Variants in GMDS observed in about 807,000 individuals in gnomAD.
GMDS encodes the protein GDP-mannose 4,6 dehydratase.
A neutral mutation model predicts 49.9 loss-of-function variants in GMDS; 20 were observed. The observed-to-expected ratio is 0.40, with a 90% CI of 0.28 to 0.58. The LOEUF is 0.58. GMDS is among the 20% of genes least tolerant of loss of function. The probability of loss-of-function intolerance (pLI) is 0.42; values close to 1 mark genes in which losing one functional copy is unlikely to be tolerated. For synonymous variants in GMDS, 177 were observed against 178.6 expected (o/e 0.99, Z 0.07); for missense variants, 362 against 481.4 (o/e 0.75, Z 2.32).
chr6:1,735,186 T>C (rs1266755790), intron 8 of GMDS, among the ~76,000 whole-genome samples: 1 of 151,310 alleles, frequency 6.6e-6, no homozygotes, highest in Non-Finnish European at 1.5e-5. Flanking sequence ...GCTGCCACTG[T>C]TCTGGGCCAT....
At chr6:1,625,943 C>T (rs1238343868) in intron 9 of GMDS, among the ~76,000 whole-genome samples, 1 of 152,220 alleles carries the variant, frequency 6.6e-6, no homozygotes, top group Non-Finnish European at 1.5e-5. Context: ...AAAGAACAGC[C>T]TAAAAGGAGT....
chr6:1,655,455 T>G (rs1241969217), intron 9 of GMDS, among the ~76,000 whole-genome samples: 1 of 151,984 alleles, frequency 6.6e-6, no homozygotes, highest in Non-Finnish European at 1.5e-5. Context: ...CATTAGTTTT[T>G]TTCCTTACGT....
At chr6:2,186,179 A>C (rs1034918612) in intron 1 of GMDS, among the ~76,000 whole-genome samples, 3 of 152,176 alleles carry the variant, frequency 2.0e-5, no homozygotes, top group African/African-American at 4.8e-5. Flanking sequence ...CAGAAACATA[A>C]AGGGAATGTA....
chr6:1,908,720 T>C (rs1318559778), intron 7 of GMDS, among the ~76,000 whole-genome samples: 3 of 152,000 alleles, frequency 2.0e-5, no homozygotes, highest in Admixed American at 2.0e-4. Context: ...CCAAGAGAGG[T>C]GAGAGGTAAG....
intron 9 of GMDS, among the ~76,000 whole-genome samples, chr6:1,654,210 A>G (rs527829335): frequency 6.6e-6 from 1 of 152,364 alleles, no homozygotes; most frequent in East Asian, 1.9e-4. Flanking sequence ...TAGTTCCTCA[A>G]AAAATTAAAT....
chr6:1,963,449 G>C (rs1242848560), intron 4 of GMDS, among the ~76,000 whole-genome samples: 3 of 152,140 alleles, frequency 2.0e-5, no homozygotes, highest in Admixed American at 2.0e-4. Context: ...TTATATCTAA[G>C]AATACTTTAC....
intron 1 of GMDS, among the ~76,000 whole-genome samples, chr6:2,168,831 G>C (rs1171126949): frequency 1.3e-5 from 2 of 152,120 alleles, no homozygotes; most frequent in Non-Finnish European, 2.9e-5. Context: ...TGAATATTTA[G>C]AATAAAAAAG....
chr6:2,149,386 T>C lies in GMDS; in HGVS notation c.103-24655A>G, dbSNP rs559258743. On this transcript the variant is annotated intron_variant, in intron 1 of 10. Transcript: ENST00000380815. ...CATCACTTACATGTGTGTTTCCTTC[T>C]GTCTGGAAATCCTGGGTGGACAATT... 3.3e-5 allele frequency among the ~76,000 whole-genome samples: 5 copies of C among 152,308 alleles called. No individual in the cohort carries two copies. The South Asian group carries it at 8.3e-4, about 25-fold the overall frequency.
chr6:2,046,633 G>A (rs1770033899), intron 4 of GMDS, among the ~76,000 whole-genome samples: 1 of 151,940 alleles, frequency 6.6e-6, no homozygotes, highest in Non-Finnish European at 1.5e-5. Flanking sequence ...TTAATTTTTT[G>A]TATTTTTTTG....
intron 1 of GMDS, among the ~76,000 whole-genome samples, chr6:2,234,119 CAACA>C (rs1781240377): frequency 6.6e-6 from 1 of 152,068 alleles, no homozygotes; most frequent in African/African-American, 2.4e-5. Flanking sequence ...AAAATAAAGA[CAACA>C]AACAAAACAA....
At chr6:1,872,093 C>T (rs1006679148) in intron 7 of GMDS, among the ~76,000 whole-genome samples, 1 of 152,200 alleles carries the variant, frequency 6.6e-6, no homozygotes, top group Admixed American at 6.5e-5. Context: ...TTCCCTCATC[C>T]ATGGTCCTCT....
At chr6:2,024,068 GA>G (rs939285456) in intron 4 of GMDS, among the ~76,000 whole-genome samples, 6 of 151,262 alleles carry the variant, frequency 4.0e-5, no homozygotes, top group Non-Finnish European at 7.4e-5. Flanking sequence ...ATCAAAAAAA[GA>G]AAAAAAATTG....
chr6:1,749,791 G>C (rs527256853), intron 7 of GMDS, among the ~76,000 whole-genome samples: 17 of 152,096 alleles, frequency 1.1e-4, no homozygotes, highest in South Asian at 4.2e-4. Flanking sequence ...CCTAACATCT[G>C]CTCTAAATTT....
At chr6:1,765,502 C>T (rs1366041898) in intron 7 of GMDS, among the ~76,000 whole-genome samples, 1 of 152,156 alleles carries the variant, frequency 6.6e-6, no homozygotes, top group East Asian at 1.9e-4. Context: ...AATATTCATT[C>T]GCATTGTTTC....
At chr6:1,688,736 C>T (rs1393071372) in intron 9 of GMDS, among the ~76,000 whole-genome samples, 2 of 152,186 alleles carry the variant, frequency 1.3e-5, no homozygotes, top group Non-Finnish European at 2.9e-5. Context: ...GATACAGTAG[C>T]TATTATATAA....
chr6:2,060,630 T>C (rs557862204), intron 4 of GMDS, among the ~76,000 whole-genome samples: 1 of 152,108 alleles, frequency 6.6e-6, no homozygotes, highest in East Asian at 1.9e-4. Context: ...GTACGTTAGA[T>C]AGTGATAAAT....
chr6:1,875,066 T>C (rs572191413), intron 7 of GMDS, among the ~76,000 whole-genome samples: 24 of 152,326 alleles, frequency 1.6e-4, no homozygotes, highest in South Asian at 6.2e-4. Context: ...TTTTGTTTCT[T>C]CTCATTTGGA....
At chr6:1,817,591 A>G (rs1770723676) in intron 7 of GMDS, among the ~76,000 whole-genome samples, 1 of 152,210 alleles carries the variant, frequency 6.6e-6, no homozygotes, top group African/African-American at 2.4e-5. Context: ...GGTCACTGAA[A>G]ACATTAACCA....
At chr6:1,655,312 G>A (rs1480925673) in intron 9 of GMDS, among the ~76,000 whole-genome samples, 1 of 152,094 alleles carries the variant, frequency 6.6e-6, no homozygotes, top group African/African-American at 2.4e-5. Context: ...ATAATGTGCA[G>A]GGATGAATAC....
Sources: allele counts gnomAD v4.1 joint callset (sites outside exome capture counted in the v4.1 genomes callset), GRCh38; gene constraint gnomAD v4.1.1; transcripts MANE v1.5; gene names NCBI Gene and HGNC (gene_info 2026-07-23, HGNC 2026-07-21).